Variants in SLC9B1 observed in about 807,000 individuals in gnomAD.
SLC9B1 encodes the protein solute carrier family 9 member B1, also known as sodium/hydrogen exchanger 9B1.
SLC9B1 carries 32 observed loss-of-function variants against 51.7 expected under a neutral mutation model. That is an observed-to-expected ratio of 0.62 (90% CI 0.47 to 0.83). The LOEUF is 0.83. Ranked by LOEUF, SLC9B1 falls within the 40% of genes least tolerant of loss-of-function variation. The probability of loss-of-function intolerance (pLI) is 0.00; values close to 1 mark genes in which losing one functional copy is unlikely to be tolerated. For missense variants in SLC9B1, 406 were observed against 613.2 expected, an observed-to-expected ratio of 0.66 and a Z score of 3.57; for synonymous variants, 145 against 212.7, an observed-to-expected ratio of 0.68 and a Z score of 2.77.
intron 1 of SLC9B1, among the ~76,000 whole-genome samples, chr4:103,012,381 T>G (rs1741127524): frequency 6.6e-6 from 1 of 152,196 alleles, no homozygotes; most frequent in African/African-American, 2.4e-5. Context: ...CTCTCCACAT[T>G]TCTACCAGCC....
At chr4:102,938,157 C>T (rs1256661790) in intron 6 of SLC9B1, among the ~76,000 whole-genome samples, 2 of 152,068 alleles carry the variant, frequency 1.3e-5, no homozygotes, top group Admixed American at 1.3e-4. Context: ...TACCCATTGG[C>T]TCAAAGTAAA....
chr4:103,001,150 C>T (rs1026038451), intron 1 of SLC9B1, among the ~76,000 whole-genome samples: 37 of 152,186 alleles, frequency 2.4e-4, no homozygotes, highest in African/African-American at 8.7e-4. Context: ...GTACATTGGC[C>T]CCTGTTAGCC....
rs143461204 is a variant in SLC9B1, at chr4:102,991,814, G to C, written c.-1-102C>G. On this transcript the variant is annotated intron_variant, in intron 1 of 11. Transcript: ENST00000296422. ...GGATTAATTTTTTAAAGGATTTTTTGTTCTAAAGTTGTATCACAGTCAAGT... is the reference window on the plus strand; with the variant it reads ...GGATTAATTTTTTAAAGGATTTTTTCTTCTAAAGTTGTATCACAGTCAAGT... 1,052 of 751,230 alleles carry C rather than the reference G, an allele frequency of 1.4e-3. 4 individuals carry two copies. Among genetic ancestry groups the C allele is most frequent in the Middle Eastern group, 0.012 (30 of 2,464 alleles). The allele number at this position is 751,230 out of a possible 1,614,324, so 46.5% of individuals were successfully genotyped here.
chr4:102,980,370 A>G (rs557574493), intron 3 of SLC9B1, among the ~76,000 whole-genome samples: 3 of 152,370 alleles, frequency 2.0e-5, no homozygotes, highest in Non-Finnish European at 4.4e-5. Context: ...GATAGACTGC[A>G]TAAAGAAAAT....
chr4:102,978,110 C>T lies in SLC9B1; in HGVS notation c.211+11690G>A, dbSNP rs141064579. Among the ~76,000 whole-genome samples the T allele has an allele frequency of 4.1e-3, 631 of 152,256 alleles. 8 individuals are homozygous for T. The highest frequency in any genetic ancestry group is 0.014 in the African/African-American group (590 of 41,526). On this transcript the variant is annotated intron_variant, in intron 3 of 11. Transcript: ENST00000296422. ...TGCTGAGAATGATGGTTTCCAGCTT[C>T]ATCCATGTCCCTACAAACGACATGA...
intron 7 of SLC9B1, among the ~76,000 whole-genome samples, chr4:102,921,368 T>C (rs1735868436): frequency 6.6e-6 from 1 of 152,100 alleles, no homozygotes; most frequent in South Asian, 2.1e-4. Flanking sequence ...TGCTGAGAGA[T>C]TTTGTCACCA....
intron 3 of SLC9B1, among the ~76,000 whole-genome samples, chr4:102,966,530 T>C (rs1560956745): frequency 6.6e-6 from 1 of 152,142 alleles, no homozygotes; most frequent in Non-Finnish European, 1.5e-5. Flanking sequence ...CATACCTGGG[T>C]ATGATTGTGC....
At chr4:103,008,480 C>A (rs1340524214) in intron 1 of SLC9B1, among the ~76,000 whole-genome samples, 1 of 150,516 alleles carries the variant, frequency 6.6e-6, no homozygotes, top group African/African-American at 2.4e-5. Flanking sequence ...GTGGTGCGAT[C>A]TGGGTTCACT....
chr4:102,985,272 A>C (rs2110513651), intron 3 of SLC9B1, among the ~76,000 whole-genome samples: 1 of 152,250 alleles, frequency 6.6e-6, no homozygotes, highest in African/African-American at 2.4e-5. Context: ...TATTTTACCT[A>C]GTGTATTTAG....
At chr4:102,898,134 C>T (rs778585342), downstream of SLC9B1, 3 of 501,012 alleles carry the variant, frequency 6.0e-6, no homozygotes, top group South Asian at 4.4e-5. Flanking sequence ...ATCTCCAGAG[C>T]CTCGCTGTAC....
chr4:102,958,877 C>A (rs1237236995), intron 3 of SLC9B1, among the ~76,000 whole-genome samples: 2 of 151,556 alleles, frequency 1.3e-5, no homozygotes, highest in Non-Finnish European at 2.9e-5. Context: ...GAGCCGAGAT[C>A]CCACCACTGC....
In SLC9B1 at chr4:102,989,884, T is replaced by A. The variant is rs201880002; in HGVS notation, c.127A>T (p.Thr43Ser). The A allele has an allele frequency of 2.0e-5, 32 of 1,600,086 alleles. No individual in the cohort carries two copies. The East Asian group carries it at 6.7e-4, about 34-fold the overall frequency. The change falls in exon 3 of 12, where the codon ACA becomes TCA. Residue 43 changes from threonine to serine, a missense_variant. By Grantham distance (58) the Thr-to-Ser change is moderately conservative. Coordinates refer to ENST00000296422, the MANE Select transcript of SLC9B1 (RefSeq NM_139173.4). ...QEETKTVLSD[T>S]EEIKPQTKKE... ...TTTGTCTGTGGTTTTATTTCTTCTG[T>A]ATCTGATAAGACAGTTTTAGTTTCT...
chr4:102,900,397 G>GCTA (rs1560915550), downstream of SLC9B1, among the ~76,000 whole-genome samples: 100 of 152,312 alleles, frequency 6.6e-4, 1 homozygote, highest in Middle Eastern at 3.4e-3. Flanking sequence ...TTTCATTTTT[G>GCTA]GAGGCTGCCT....
At chr4:103,009,069 A>G (rs560945123) in intron 1 of SLC9B1, among the ~76,000 whole-genome samples, 14 of 152,160 alleles carry the variant, frequency 9.2e-5, no homozygotes, top group Non-Finnish European at 1.9e-4. Context: ...AAGTACTGGG[A>G]TTACAGGTGT....
chr4:102,957,270 T>A (rs1192850179), intron 3 of SLC9B1, among the ~76,000 whole-genome samples: 12 of 152,170 alleles, frequency 7.9e-5, no homozygotes, highest in Non-Finnish European at 1.8e-4. Context: ...GAAAACATAA[T>A]GTCTGAAAAC....
At chr4:103,006,623 A>G (rs1405030044) in intron 1 of SLC9B1, among the ~76,000 whole-genome samples, 1 of 151,878 alleles carries the variant, frequency 6.6e-6, no homozygotes, top group African/African-American at 2.4e-5. Context: ...AAGAGGAAGA[A>G]CTCCCCAAGT....
intron 7 of SLC9B1, among the ~76,000 whole-genome samples, chr4:102,912,837 G>C (rs1365291350): frequency 6.6e-6 from 1 of 152,088 alleles, no homozygotes; most frequent in Non-Finnish European, 1.5e-5. Context: ...CTGGCTGACA[G>C]AGCAAGATCC....
chr4:102,911,887 C>T, intron 7 of SLC9B1: 1 of 194,408 alleles, frequency 5.1e-6, no homozygotes, highest in South Asian at 8.5e-5. Context: ...AATCCCAGTG[C>T]TTTGGGAGGC....
chr4:102,982,593 G>A (rs1739416418), intron 3 of SLC9B1, among the ~76,000 whole-genome samples: 1 of 151,968 alleles, frequency 6.6e-6, no homozygotes, highest in African/African-American at 2.4e-5. Flanking sequence ...TACTCAAATA[G>A]ATCTTGTATA....
Sources: allele counts gnomAD v4.1 joint callset (sites outside exome capture counted in the v4.1 genomes callset), GRCh38; gene constraint gnomAD v4.1.1; transcripts MANE v1.5; gene names NCBI Gene and HGNC (gene_info 2026-07-23, HGNC 2026-07-21).